The following MPP3 variants were observed in gnomAD, a reference collection of about 807,000 sequenced individuals.
MPP3 encodes MAGUK p55 scaffold protein 3.
MPP3 carries 48 observed loss-of-function variants against 80.7 expected under a neutral mutation model. The ratio of observed to expected loss-of-function variants is 0.59; its 90% CI spans 0.47 to 0.76. The LOEUF is 0.76. MPP3 is among the 30% of genes least tolerant of loss of function. The probability of loss-of-function intolerance (pLI) is 0.00; values close to 1 mark genes in which losing one functional copy is unlikely to be tolerated. For missense variants in MPP3, 620 were observed against 763.0 expected, an observed-to-expected ratio of 0.81 and a Z score of 2.21; for synonymous variants, 311 against 297.6, an observed-to-expected ratio of 1.04 and a Z score of -0.46.
chr17:43,820,638 A>C (rs1474735352), intron 11 of MPP3, among the ~76,000 whole-genome samples: 3 of 150,802 alleles, frequency 2.0e-5, no homozygotes, highest in East Asian at 3.9e-4. Flanking sequence ...ACACACACAC[A>C]CATTAACTTA....
intron 19 of MPP3, among the ~76,000 whole-genome samples, chr17:43,804,446 T>C (rs1261375792): frequency 1.3e-5 from 2 of 152,042 alleles, no homozygotes; most frequent in African/African-American, 4.8e-5. Flanking sequence ...AATGAGAAAA[T>C]AGTCTTTTCA....
chr17:43,825,953 C>A (rs1291099004), intron 8 of MPP3, 112 bp from the exon 9 acceptor site: 21 of 693,318 alleles, frequency 3.0e-5, no homozygotes, highest in South Asian at 2.8e-4. Flanking sequence ...AGGGCCAACT[C>A]GAGGTTTAAA....
chr17:43,826,086 G>T (rs2045683620), intron 8 of MPP3, among the ~76,000 whole-genome samples: 1 of 152,264 alleles, frequency 6.6e-6, no homozygotes, highest in Admixed American at 6.5e-5. Flanking sequence ...GACCCAGGAA[G>T]ATTAAGCAGC....
At chr17:43,827,295 C>T (rs1324691086) in intron 8 of MPP3, among the ~76,000 whole-genome samples, 7 of 145,250 alleles carry the variant, frequency 4.8e-5, no homozygotes, top group Non-Finnish European at 1.0e-4. Flanking sequence ...GGATTACAGG[C>T]GTGAGCCACT....
chr17:43,810,719 A>T, intron 18 of MPP3, 88 bp downstream of exon 18: 1 of 882,140 alleles, frequency 1.1e-6, no homozygotes, highest in Non-Finnish European at 1.8e-6. Context: ...AAAATTCCTT[A>T]GACTGAGGTT....
intron 19 of MPP3, among the ~76,000 whole-genome samples, chr17:43,802,148 T>C (rs2044434724): frequency 1.3e-5 from 2 of 152,178 alleles, no homozygotes; most frequent in Non-Finnish European, 2.9e-5. Flanking sequence ...AAAGCCACGA[T>C]AGGAAGTGCA....
At chr17:43,815,182 A>G (rs1308423610) in intron 14 of MPP3, among the ~76,000 whole-genome samples, 1 of 151,948 alleles carries the variant, frequency 6.6e-6, no homozygotes, top group Non-Finnish European at 1.5e-5. Context: ...AAATACAAAA[A>G]TTAGCCAGGT....
intron 19 of MPP3, among the ~76,000 whole-genome samples, chr17:43,802,589 G>C (rs1005928555): frequency 6.6e-6 from 1 of 152,198 alleles, no homozygotes; most frequent in Non-Finnish European, 1.5e-5. Context: ...CACAATGTGG[G>C]CACTGTTTGC....
At chr17:43,807,987 G>A (rs772033609) in intron 19 of MPP3, among the ~76,000 whole-genome samples, 14 of 152,038 alleles carry the variant, frequency 9.2e-5, no homozygotes, top group Non-Finnish European at 1.8e-4. Flanking sequence ...GGGCACAGTG[G>A]CTTACACCTG....
At chr17:43,825,519 A>C in intron 9 of MPP3, 1 of 445,928 alleles carries the variant, frequency 2.2e-6, no homozygotes, top group Non-Finnish European at 4.1e-6. Flanking sequence ...CAGGGGAAGG[A>C]AGGAAGGCTG....
rs1363739345 is a variant in MPP3, at chr17:43,829,650, C to T, written c.441+4G>A. 1.9e-6 allele frequency: 3 copies of T among 1,613,678 alleles called. No homozygotes were observed. The highest frequency in any genetic ancestry group is 2.5e-6 in the Non-Finnish European group (3 of 1,179,978). On this transcript the variant is annotated splice_donor_region_variant and intron_variant, in intron 7 of 19. Coordinates refer to ENST00000398389, the MANE Select transcript of MPP3 (RefSeq NM_001932.6). ...GTTAGAGAGGGGCAGGCAGCAGCAC[C>T]TACCAGGGGTTCCTTGTTCTTCACC...
intron 7 of MPP3, among the ~76,000 whole-genome samples, chr17:43,828,927 A>G (rs934694014): frequency 6.6e-6 from 1 of 152,224 alleles, no homozygotes; most frequent in Non-Finnish European, 1.5e-5. Flanking sequence ...ACAGAGGCAG[A>G]GGAGAGATCC....
At chr17:43,826,855 T>C (rs1344529059) in intron 8 of MPP3, among the ~76,000 whole-genome samples, 1 of 150,088 alleles carries the variant, frequency 6.7e-6, no homozygotes, top group Non-Finnish European at 1.5e-5. Context: ...CTTTTTTTTT[T>C]GAGACGGTCT....
chr17:43,823,882 C>G, intron 10 of MPP3, 49 bp downstream of exon 10: 2 of 1,353,248 alleles, frequency 1.5e-6, no homozygotes, highest in Non-Finnish European at 2.1e-6. Flanking sequence ...AGCCAGCGAG[C>G]TGCATCTCTC....
Position 43,808,222 on chromosome 17 carries a change from T to G in MPP3, c.1581+734A>C, listed in dbSNP as rs1300680551. Reference sequence around the variant, plus strand: ...CCAAGGGGAAGGATCCGAGAAGGCCTCCTTCAGATGAAACCAGCTATATAG... The same window carrying G: ...CCAAGGGGAAGGATCCGAGAAGGCCGCCTTCAGATGAAACCAGCTATATAG... On this transcript the variant is annotated intron_variant, in intron 19 of 19. Coordinates refer to ENST00000398389, the MANE Select transcript of MPP3 (RefSeq NM_001932.6). Among the ~76,000 whole-genome samples, 9 of 152,312 alleles carry G rather than the reference T, an allele frequency of 5.9e-5. No homozygotes were observed. The East Asian group carries it at 7.7e-4, about 13-fold the overall frequency.
At chr17:43,826,743 TA>T (rs1247253254) in intron 8 of MPP3, among the ~76,000 whole-genome samples, 1 of 152,122 alleles carries the variant, frequency 6.6e-6, no homozygotes, top group Non-Finnish European at 1.5e-5. Flanking sequence ...GCTATATTCT[TA>T]ACTGTCACAG....
chr17:43,830,561 A>G (rs992016052), intron 5 of MPP3, among the ~76,000 whole-genome samples: 1 of 152,152 alleles, frequency 6.6e-6, no homozygotes, highest in African/African-American at 2.4e-5. Flanking sequence ...TGAGTGGCCT[A>G]CTTAACATCA....
At position 43,829,768 on chromosome 17, in the gene MPP3, C is replaced by T. The variant is rs34890360; in HGVS notation, c.327G>A (p.Thr109=). 5.0e-6 allele frequency: 8 copies of T among 1,613,762 alleles called. No homozygotes were observed. In the African/African-American group the frequency reaches 8.0e-5, roughly 16 times the overall value. The change falls in exon 7 of 20, where the codon ACG becomes ACA. Residue 109 remains threonine (T), a synonymous_variant. Transcript: ENST00000398389. ...CGGGGTCAAAATTCTTCTGGGCAAC[C>T]GTGTCATGTACCATGAGCACAGCCT... The part of the protein sequence containing the change: ...HLRAVLMVHD[T]VAQKNFDPVL...
intron 16 of MPP3, among the ~76,000 whole-genome samples, chr17:43,812,327 T>A (rs2044901048): frequency 6.6e-6 from 1 of 152,188 alleles, no homozygotes; most frequent in Non-Finnish European, 1.5e-5. Flanking sequence ...TTCTGTGGCA[T>A]CTTAGTCCAA....
Sources: allele counts gnomAD v4.1 joint callset (sites outside exome capture counted in the v4.1 genomes callset), GRCh38; gene constraint gnomAD v4.1.1; transcripts MANE v1.5; gene names NCBI Gene and HGNC (gene_info 2026-07-23, HGNC 2026-07-21).